Variants in RABEPK observed in about 807,000 individuals in gnomAD.
The protein encoded by RABEPK is Rab9 effector protein with kelch motifs, also known as 40 kDa Rab9 effector protein.
In RABEPK, 27 loss-of-function variants were observed where a neutral mutation model predicts 34.1. That is an observed-to-expected ratio of 0.79 (90% CI 0.58 to 1.09). The LOEUF (loss-of-function observed/expected upper bound fraction) is 1.09, where lower values mean the gene tolerates loss of function less well. Among genes scored for constraint, RABEPK ranks in the 50% least tolerant of loss-of-function variants. RABEPK has a pLI of 0.00. For synonymous variants in RABEPK, 172 were observed against 169.2 expected, an observed-to-expected ratio of 1.02 and a Z score of -0.13; for missense variants, 449 against 462.6, an observed-to-expected ratio of 0.97 and a Z score of 0.27.
intron 5 of RABEPK, among the ~76,000 whole-genome samples, chr9:125,224,202 C>CAAAAAAA: frequency 1.2e-5 from 1 of 84,988 alleles, no homozygotes; most frequent in Non-Finnish European, 2.7e-5. Context: ...TCTCAAAAAA[C>CAAAAAAA]AAAAACAAAA....
chr9:125,207,618 T>C lies in RABEPK; in HGVS notation c.108T>C (p.Cys36=). 1 of 1,614,152 alleles carries C rather than the reference T, an allele frequency of 6.2e-7. No homozygotes were observed. The highest frequency in any genetic ancestry group is 8.5e-7 in the Non-Finnish European group (1 of 1,179,990). Residue 36 remains cysteine (C), a synonymous_variant, in exon 3 of 8, where the codon TGT becomes TGC. Transcript: ENST00000373538. ...DSPCARVGHS[C]SYLPPVGNAK... is the part of the protein sequence containing the mutation. ...CCTGTGCTCGAGTTGGCCACAGCTG[T>C]TCATATTTACCCCCAGTTGGTAATG...
intron 1 of RABEPK, among the ~76,000 whole-genome samples, 199 bp downstream of exon 1, chr9:125,201,105 T>G (rs1001088586): frequency 1.3e-5 from 2 of 152,186 alleles, no homozygotes; most frequent in African/African-American, 4.8e-5. Context: ...TCCAAATGAT[T>G]CCTGCAATGG....
intron 5 of RABEPK, among the ~76,000 whole-genome samples, chr9:125,223,083 C>G (rs1831468739): frequency 6.6e-6 from 1 of 152,114 alleles, no homozygotes; most frequent in South Asian, 2.1e-4. Context: ...AGTTCGAGAC[C>G]AGCCTGGCCA....
At position 125,210,312 on chromosome 9, in the gene RABEPK, G is replaced by A. The variant is rs182651044; in HGVS notation, c.211+2591G>A. ...CAGCTACTCGGGGAGGCTGAGGCAG[G>A]AGAATGGCGTGAATCCGGGAGGCGG... On this transcript the variant is annotated intron_variant, in intron 3 of 7. Coordinates refer to ENST00000373538, the MANE Select transcript of RABEPK (RefSeq NM_005833.4). Among the ~76,000 whole-genome samples the A allele has an allele frequency of 3.2e-4, 48 of 150,488 alleles. No homozygotes were observed. In the South Asian group the frequency reaches 6.3e-3, roughly 20 times the overall value.
chr9:125,226,943 G>A (rs1831801964), intron 5 of RABEPK, among the ~76,000 whole-genome samples: 1 of 151,870 alleles, frequency 6.6e-6, no homozygotes, highest in Admixed American at 6.6e-5. Flanking sequence ...GCCAAGGTGG[G>A]CAGATCACCT....
chr9:125,220,796 T>G (rs754600029), intron 5 of RABEPK, 96 bp downstream of exon 5: 30 of 1,376,996 alleles, frequency 2.2e-5, no homozygotes, highest in Non-Finnish European at 2.8e-5. Flanking sequence ...AAAGCCTGAC[T>G]AAGTGTCTCA....
intron 2 of RABEPK, among the ~76,000 whole-genome samples, chr9:125,205,132 A>G (rs1303090003): frequency 6.6e-6 from 1 of 151,916 alleles, no homozygotes; most frequent in Non-Finnish European, 1.5e-5. Flanking sequence ...CTACCCAGCT[A>G]ATTTCTACTC....
At chr9:125,224,224 A>C (rs1329488826) in intron 5 of RABEPK, among the ~76,000 whole-genome samples, 2 of 151,602 alleles carry the variant, frequency 1.3e-5, no homozygotes, top group African/African-American at 2.4e-5. Context: ...AAAAAAAAAA[A>C]ACAACAGAGT....
intron 3 of RABEPK, among the ~76,000 whole-genome samples, chr9:125,209,888 ACT>A (rs1426231735): frequency 6.6e-6 from 1 of 151,660 alleles, no homozygotes; most frequent in East Asian, 1.9e-4. Context: ...GCACTACATG[ACT>A]CTGTATGTCC....
Position 125,207,746 on chromosome 9 carries a change from A to C in RABEPK, c.211+25A>C, listed in dbSNP as rs575770853. The C allele has an allele frequency of 2.5e-6, 4 of 1,613,442 alleles. No homozygotes were observed. The Admixed American group carries it at 6.7e-5, about 27-fold the overall frequency. On this transcript the variant is annotated intron_variant, in intron 3 of 7. Coordinates refer to ENST00000373538, the MANE Select transcript of RABEPK (RefSeq NM_005833.4). ...GGTAAGATCAGCAGCTGCAGAGTAC[A>C]TGCCCTATGGCCAGAGAACAGGGCT...
chr9:125,224,072 A>G (rs1831549189), intron 5 of RABEPK, among the ~76,000 whole-genome samples: 1 of 151,704 alleles, frequency 6.6e-6, no homozygotes, highest in Non-Finnish European at 1.5e-5. Context: ...GCAGGTGCCT[A>G]TAATCCCAGC....
Position 125,211,060 on chromosome 9 carries a change from C to A in RABEPK, c.212-2310C>A, listed in dbSNP as rs28420820. 7.5e-3 allele frequency among the ~76,000 whole-genome samples: 1,133 copies of A among 150,576 alleles called. 33 individuals carry two copies. The East Asian group carries it at 0.093, about 12-fold the overall frequency. ...CCATCCTGGCTAACACGGTGAAAAC[C>A]CATCTCTACTAAAAATAAAAAAAAA... is the stretch of plus-strand genomic sequence containing the variant. On this transcript the variant is annotated intron_variant, in intron 3 of 7. Transcript: ENST00000373538.
intron 3 of RABEPK, 30 bp downstream of exon 3, chr9:125,207,751 C>T: frequency 1.2e-6 from 2 of 1,612,520 alleles, no homozygotes; most frequent in Non-Finnish European, 1.7e-6. Context: ...AGTACATGCC[C>T]TATGGCCAGA....
intron 3 of RABEPK, among the ~76,000 whole-genome samples, chr9:125,209,551 TG>T (rs1346117098): frequency 6.6e-6 from 1 of 152,118 alleles, no homozygotes; most frequent in East Asian, 1.9e-4. Flanking sequence ...GGTTTCACCA[TG>T]TTGGCCAGGC....
chr9:125,230,937 T>C (rs750415198), intron 6 of RABEPK, among the ~76,000 whole-genome samples: 1 of 152,178 alleles, frequency 6.6e-6, no homozygotes, highest in Non-Finnish European at 1.5e-5. Flanking sequence ...TAGGAACTAC[T>C]TGTTGACTAT....
chr9:125,224,230 A>C (rs1224939863), intron 5 of RABEPK, among the ~76,000 whole-genome samples: 2 of 151,578 alleles, frequency 1.3e-5, no homozygotes. Flanking sequence ...AAAAAACAAC[A>C]GAGTTTTTGC....
At chr9:125,217,079 A>G (rs188276448) in intron 4 of RABEPK, among the ~76,000 whole-genome samples, 65 of 152,252 alleles carry the variant, frequency 4.3e-4, no homozygotes, top group African/African-American at 1.5e-3. Context: ...GCTTAAGGGC[A>G]CAGATGAGGG....
intron 5 of RABEPK, chr9:125,221,490 C>T (rs1476284099): frequency 6.6e-6 from 1 of 151,336 alleles, no homozygotes; most frequent in Non-Finnish European, 1.5e-5. Context: ...GAGCGAGACT[C>T]TCTCAAAAAC....
At chr9:125,216,789 C>A (rs145667080) in intron 4 of RABEPK, among the ~76,000 whole-genome samples, 1 of 151,894 alleles carries the variant, frequency 6.6e-6, no homozygotes, top group Non-Finnish European at 1.5e-5. Flanking sequence ...ACTGAAAGCC[C>A]GTCTCTACTA....
Sources: gnomAD v4.1 joint callset for allele counts (sites outside exome capture counted in the v4.1 genomes callset) on GRCh38, gnomAD v4.1.1 for gene constraint, MANE v1.5 for transcripts, NCBI Gene and HGNC (gene_info 2026-07-23, HGNC 2026-07-21) for gene names.